UGT1A6: variants seen among roughly 807,000 people sequenced by gnomAD.
UGT1A6 encodes the protein UDP glucuronosyltransferase family 1 member A6.
A neutral mutation model predicts 44.4 loss-of-function variants in UGT1A6; 32 were observed. That is an observed-to-expected ratio of 0.72 (90% CI 0.54 to 0.97). UGT1A6 has a LOEUF of 0.97. Among genes scored for constraint, UGT1A6 ranks in the 50% least tolerant of loss-of-function variants. UGT1A6 has a pLI of 0.00. For missense variants in UGT1A6, 685 were observed against 661.9 expected, an observed-to-expected ratio of 1.03 and a Z score of -0.38; for synonymous variants, 238 against 248.5, an observed-to-expected ratio of 0.96 and a Z score of 0.40.
In UGT1A6 at chr2:233,713,868, G is replaced by C. The variant is rs374502010; in HGVS notation, c.861+20003G>C. ...GAAGCCACTATCTCAGGTCTGTATT[G>C]GTGCCTTTATCCAATCAATGTTCCA... On this transcript the variant is annotated intron_variant, in intron 1 of 4. Coordinates refer to ENST00000305139, the MANE Select transcript of UGT1A6 (RefSeq NM_001072.4). 94 of 1,613,748 alleles carry C rather than the reference G, an allele frequency of 5.8e-5. No individual in the cohort carries two copies. The African/African-American group carries it at 1.1e-3, about 20-fold the overall frequency.
chr2:233,749,121 A>T (rs1694116059), intron 1 of UGT1A6, among the ~76,000 whole-genome samples: 1 of 151,732 alleles, frequency 6.6e-6, no homozygotes, highest in Non-Finnish European at 1.5e-5. Context: ...TTTATGTCAT[A>T]TTCACTGAAT....
At chr2:233,757,847 T>C (rs529889907) in intron 1 of UGT1A6, among the ~76,000 whole-genome samples, 12 of 152,082 alleles carry the variant, frequency 7.9e-5, no homozygotes, top group African/African-American at 2.7e-4. Context: ...CTAACTTATG[T>C]CTTCAGCTTA....
At chr2:233,767,292 T>C in intron 2 of UGT1A6, 127 bp downstream of exon 2, 1 of 1,553,044 alleles carries the variant, frequency 6.4e-7, no homozygotes, top group South Asian at 1.2e-5. Context: ...ACTTCCCAAC[T>C]ATTAATCCAA....
chr2:233,753,396 G>C (rs1209022223), intron 1 of UGT1A6: 4 of 152,212 alleles, frequency 2.6e-5, no homozygotes, highest in South Asian at 2.1e-4. Context: ...GAGGGTACTA[G>C]AGCATATCCA....
chr2:233,699,546 A>G (rs1436120243), intron 1 of UGT1A6, among the ~76,000 whole-genome samples: 3 of 152,190 alleles, frequency 2.0e-5, no homozygotes, highest in Non-Finnish European at 4.4e-5. Flanking sequence ...CACATCATAG[A>G]GCCAGGTCAT....
At position 233,692,907 on chromosome 2, in the gene UGT1A6, G is replaced by A; in HGVS notation, c.-98G>A. The A allele has an allele frequency of 6.4e-7, 1 of 1,552,706 alleles. No homozygotes were observed. Among genetic ancestry groups the A allele is most frequent in the Non-Finnish European group, 8.7e-7 (1 of 1,155,682 alleles). ...AGCAAGGGAGAGGTAGACAGGACCT[G>A]TGAAAAGCAGTGGTTAGTTTAGGGA... On this transcript the variant is annotated 5_prime_UTR_variant, in exon 1 of 5. It adds an upstream start codon to the 5' untranslated region. Transcript: ENST00000305139.
intron 1 of UGT1A6, chr2:233,713,795 G>A (rs371219022): frequency 4.3e-5 from 69 of 1,614,024 alleles, no homozygotes; most frequent in African/African-American, 1.5e-4. Flanking sequence ...ACCCCAGGCC[G>A]ATCATGCCCA....
At chr2:233,718,098 A>C (rs577744512) in intron 1 of UGT1A6, 1 of 327,190 alleles carries the variant, frequency 3.1e-6, no homozygotes, top group East Asian at 7.5e-5. Flanking sequence ...TGTGTGCTTT[A>C]GACAGCAGCA....
chr2:233,726,367 A>C (rs994250212), intron 1 of UGT1A6, among the ~76,000 whole-genome samples: 1 of 152,216 alleles, frequency 6.6e-6, no homozygotes, highest in Non-Finnish European at 1.5e-5. Flanking sequence ...AAACACAACA[A>C]AAACCAAAAT....
At chr2:233,713,875 T>G (rs1454259266) in intron 1 of UGT1A6, 1 of 1,613,754 alleles carries the variant, frequency 6.2e-7, no homozygotes, top group Admixed American at 1.7e-5. Context: ...ATTGGTGCCT[T>G]TATCCAATCA....
chr2:233,772,325 C>T lies in UGT1A6; in HGVS notation c.1365C>T (p.Asp455=), dbSNP rs773957041. ...AGGACCGCCCGGTGGAGCCGCTGGA[C>T]CTGGCCGTGTTCTGGGTGGAGTTTG... is the stretch of plus-strand genomic sequence containing the variant. ...LHKDRPVEPL[D]LAVFWVEFVM... The change falls in exon 5 of 5, where the codon GAC becomes GAT. Residue 455 remains aspartate, a synonymous_variant. Coordinates refer to ENST00000305139, the MANE Select transcript of UGT1A6 (RefSeq NM_001072.4). 3.1e-6 allele frequency: 5 copies of T among 1,614,018 alleles called. No homozygotes were observed. In the African/African-American group the frequency reaches 4.0e-5, roughly 13 times the overall value.
intron 1 of UGT1A6, among the ~76,000 whole-genome samples, chr2:233,756,540 G>A (rs1404409517): frequency 2.0e-5 from 3 of 152,048 alleles, no homozygotes; most frequent in African/African-American, 7.2e-5. Flanking sequence ...TTTCTTGACT[G>A]CTAAAACAAC....
At chr2:233,739,657 C>A (rs772609637) in intron 1 of UGT1A6, among the ~76,000 whole-genome samples, 1 of 152,202 alleles carries the variant, frequency 6.6e-6, no homozygotes, top group Admixed American at 6.5e-5. Context: ...TTCTGTACCC[C>A]CATTGTGTCT....
chr2:233,721,761 G>T (rs1319151225), intron 1 of UGT1A6: 5 of 472,432 alleles, frequency 1.1e-5, no homozygotes, highest in Admixed American at 8.9e-5. Flanking sequence ...CATCTAAATT[G>T]TTATATTTAG....
chr2:233,704,781 G>T (rs989120874), intron 1 of UGT1A6, among the ~76,000 whole-genome samples: 3 of 152,050 alleles, frequency 2.0e-5, no homozygotes, highest in Admixed American at 6.5e-5. Context: ...ATATGTTATA[G>T]TCCCAACAAT....
At chr2:233,758,273 A>AG (rs1696835032) in intron 1 of UGT1A6, among the ~76,000 whole-genome samples, 1 of 152,232 alleles carries the variant, frequency 6.6e-6, no homozygotes, top group Non-Finnish European at 1.5e-5. Flanking sequence ...TTCTTGGTCA[A>AG]GGGCAGAGCT....
chr2:233,769,313 C>G lies in UGT1A6; in HGVS notation c.1301+874C>G, dbSNP rs1699834198. 6.6e-6 allele frequency among the ~76,000 whole-genome samples: 1 copy of G among 152,226 alleles called. No homozygotes were observed. Among genetic ancestry groups the G allele is most frequent in the Admixed American group, 6.5e-5 (1 of 15,282 alleles). ...TTAAAGTTAGTATATTACTGTCAAG[C>G]TCACTGGTAATAGGCTTATTAGAAC... is the stretch of plus-strand genomic sequence containing the variant. On this transcript the variant is annotated intron_variant, in intron 4 of 4. Coordinates refer to ENST00000305139, the MANE Select transcript of UGT1A6 (RefSeq NM_001072.4). This position sits in a 1 kb window ranked among gnomAD's most constrained non-coding sequence, Gnocchi z 4.4.
intron 1 of UGT1A6, chr2:233,722,063 A>G (rs2076988750): frequency 4.1e-6 from 1 of 244,354 alleles, no homozygotes; most frequent in Non-Finnish European, 8.2e-6. Context: ...GGTCAAGTGA[A>G]TAAAGAAGAA....
chr2:233,712,814 C>T (rs1173541748), intron 1 of UGT1A6, among the ~76,000 whole-genome samples: 1 of 152,162 alleles, frequency 6.6e-6, no homozygotes, highest in Non-Finnish European at 1.5e-5. Flanking sequence ...CAGGGTGGGG[C>T]CCATAATGCA....
Sources: gnomAD v4.1 joint callset for allele counts (sites outside exome capture counted in the v4.1 genomes callset) on GRCh38, gnomAD v4.1.1 for gene constraint, Gnocchi (gnomAD v3.1) non-coding constraint, MANE v1.5 for transcripts, NCBI Gene and HGNC (gene_info 2026-07-23, HGNC 2026-07-21) for gene names.